SRD5A2: variants seen among roughly 807,000 people sequenced by gnomAD.
SRD5A2 encodes the protein 3-oxo-5-alpha-steroid 4-dehydrogenase 2.
A neutral mutation model predicts 27.4 loss-of-function variants in SRD5A2; 30 were observed. The ratio of observed to expected loss-of-function variants is 1.10; its 90% CI spans 0.82 to 1.49. The LOEUF is 1.49. Ranked by LOEUF, SRD5A2 falls within the 40% of genes most tolerant of loss-of-function variation. The pLI is 0.00. For missense variants in SRD5A2, 348 were observed against 323.4 expected (o/e 1.08, Z -0.58); for synonymous variants, 141 against 133.6 (o/e 1.06, Z -0.38).
At chr2:31,615,762 G>T in the SRD5A2 span, among the ~76,000 whole-genome samples, 1 of 152,148 alleles carries the variant, frequency 6.6e-6, no homozygotes, top group Admixed American at 6.5e-5. Context: ...TGTCTCCAAG[G>T]CATGTCAAAG....
intron 1 of SRD5A2, among the ~76,000 whole-genome samples, chr2:31,579,833 T>C (rs957719525): frequency 6.6e-6 from 1 of 152,234 alleles, no homozygotes; most frequent in African/African-American, 2.4e-5. Context: ...TTCCTGTCTT[T>C]CCTTCCCAGA....
chr2:31,611,996 G>A, the SRD5A2 span, among the ~76,000 whole-genome samples: 2 of 152,228 alleles, frequency 1.3e-5, no homozygotes, highest in Admixed American at 1.3e-4. Context: ...AGGATAAACT[G>A]GCTGAGTGTG....
the SRD5A2 span, among the ~76,000 whole-genome samples, chr2:31,656,381 A>G: frequency 3.3e-5 from 5 of 152,092 alleles, no homozygotes; most frequent in African/African-American, 1.2e-4. Context: ...TGACCTCTAG[A>G]CTTTAAAAAT....
At chr2:31,614,709 G>A in the SRD5A2 span, among the ~76,000 whole-genome samples, 14 of 152,190 alleles carry the variant, frequency 9.2e-5, no homozygotes, top group Non-Finnish European at 1.8e-4. Flanking sequence ...TGGATATCCA[G>A]GCATTTCCAT....
chr2:31,565,948 A>C (rs1666720285), intron 1 of SRD5A2, among the ~76,000 whole-genome samples: 1 of 152,030 alleles, frequency 6.6e-6, no homozygotes, highest in Non-Finnish European at 1.5e-5. Context: ...GATAGACCCA[A>C]TTCTGGGCCA....
chr2:31,594,364 C>T, the SRD5A2 span, among the ~76,000 whole-genome samples: 1 of 152,094 alleles, frequency 6.6e-6, no homozygotes. Flanking sequence ...AAAAGACATT[C>T]CATGCAAATG....
chr2:31,577,502 AC>A (rs1183301612), intron 1 of SRD5A2, among the ~76,000 whole-genome samples: 1 of 152,140 alleles, frequency 6.6e-6, no homozygotes, highest in Non-Finnish European at 1.5e-5. Flanking sequence ...TGAGACAAAA[AC>A]CTTTGACCCT....
chr2:31,623,962 C>A, the SRD5A2 span, among the ~76,000 whole-genome samples: 2 of 152,058 alleles, frequency 1.3e-5, no homozygotes, highest in African/African-American at 2.4e-5. Context: ...CCAACTTGAT[C>A]GTGTTGGATA....
chr2:31,560,806 C>G (rs1204012938), intron 1 of SRD5A2, among the ~76,000 whole-genome samples: 1 of 152,134 alleles, frequency 6.6e-6, no homozygotes, highest in African/African-American at 2.4e-5. Flanking sequence ...CACATTACTT[C>G]AAGACTTTGT....
chr2:31,621,154 C>T, the SRD5A2 span, among the ~76,000 whole-genome samples: 2 of 151,736 alleles, frequency 1.3e-5, no homozygotes, highest in Non-Finnish European at 2.9e-5. Context: ...AACTACAGTA[C>T]AATAGCACAA....
Position 31,525,056 on chromosome 2 carries a change from A to C in SRD5A2, c.*1140T>G, listed in dbSNP as rs1665744370. 1 of 217,596 alleles carries C rather than the reference A, an allele frequency of 4.6e-6. No homozygotes were observed. Among genetic ancestry groups the C allele is most frequent in the South Asian group, 1.9e-4 (1 of 5,360 alleles). 13.5% of individuals were successfully genotyped at this position (217,596 alleles called of 1,614,324 possible). Reference sequence around the variant, plus strand: ...TTTGAAACTTTGTAAAAAAAAAAAAAACTATATGTCTGAGCCAAACAAAAC... The same window carrying C: ...TTTGAAACTTTGTAAAAAAAAAAAACACTATATGTCTGAGCCAAACAAAAC... On this transcript the variant is annotated 3_prime_UTR_variant, in exon 5 of 5. Transcript: ENST00000622030.
At chr2:31,603,407 G>C in the SRD5A2 span, among the ~76,000 whole-genome samples, 14 of 151,302 alleles carry the variant, frequency 9.3e-5, no homozygotes, top group Admixed American at 7.3e-4. Flanking sequence ...AAATAACAGA[G>C]GCTCAGGAGG....
chr2:31,524,918 C>T lies in SRD5A2; in HGVS notation c.*1278G>A, dbSNP rs779381166. 1 of 225,168 alleles carries T rather than the reference C, an allele frequency of 4.4e-6. No homozygotes were observed. The highest frequency in any genetic ancestry group is 8.9e-6 in the Non-Finnish European group (1 of 112,954). The allele number at this position is 225,168 out of a possible 1,614,324, so 13.9% of individuals were successfully genotyped here. The stretch of plus-strand genomic sequence containing the variant: ...TGCAAACTCAAATGCTTACTAGCTA[C>T]GTAGTTCCAGTTCTGGTGTGGAAAT... On this transcript the variant is annotated 3_prime_UTR_variant, in exon 5 of 5. Coordinates refer to ENST00000622030, the MANE Select transcript of SRD5A2 (RefSeq NM_000348.4).
intron 1 of SRD5A2, among the ~76,000 whole-genome samples, chr2:31,534,409 T>C (rs1665982748): frequency 6.6e-6 from 1 of 152,172 alleles, no homozygotes; most frequent in African/African-American, 2.4e-5. Flanking sequence ...ATACTAAGGA[T>C]ATGATGACTC....
the SRD5A2 span, among the ~76,000 whole-genome samples, chr2:31,654,059 G>A: frequency 6.7e-6 from 1 of 148,624 alleles, no homozygotes. Context: ...ACTAGTGTGA[G>A]AAAGAAAGAG....
intron 3 of SRD5A2, among the ~76,000 whole-genome samples, chr2:31,530,080 A>T (rs559873289): frequency 6.6e-6 from 1 of 152,224 alleles, no homozygotes; most frequent in Admixed American, 6.5e-5. Flanking sequence ...CTATCCAACC[A>T]GGTATTTCTT....
chr2:31,541,757 C>A (rs914759927), intron 1 of SRD5A2, among the ~76,000 whole-genome samples: 1 of 152,182 alleles, frequency 6.6e-6, no homozygotes. Context: ...CACAGAGAGA[C>A]AATCTGTAAA....
At chr2:31,547,607 T>C (rs1332372390) in intron 1 of SRD5A2, among the ~76,000 whole-genome samples, 3 of 152,238 alleles carry the variant, frequency 2.0e-5, no homozygotes, top group African/African-American at 7.2e-5. Flanking sequence ...ATGAGACAAG[T>C]TCAGATTCTC....
chr2:31,536,731 C>CG (rs3831847), intron 1 of SRD5A2, among the ~76,000 whole-genome samples: 24,323 of 152,160 alleles, frequency 0.16, 2,253 homozygotes, highest in African/African-American at 0.26. Context: ...AAGACAATGA[C>CG]AGAAGCGGGA....
Sources: allele counts gnomAD v4.1 joint callset (sites outside exome capture counted in the v4.1 genomes callset), GRCh38; gene constraint gnomAD v4.1.1; transcripts MANE v1.5; gene names NCBI Gene and HGNC (gene_info 2026-07-23, HGNC 2026-07-21).